GLE1: variants seen among roughly 807,000 people sequenced by gnomAD.
The protein encoded by GLE1 is GLE1 RNA export mediator.
GLE1 carries 78 observed loss-of-function variants against 97.3 expected under a neutral mutation model. The observed-to-expected ratio is 0.80, with a 90% CI of 0.67 to 0.97. The LOEUF (loss-of-function observed/expected upper bound fraction) is 0.97, where lower values mean the gene tolerates loss of function less well. Among genes scored for constraint, GLE1 ranks in the 50% least tolerant of loss-of-function variants. The pLI is 0.00. For missense variants in GLE1, 753 were observed against 857.5 expected (o/e 0.88, Z 1.52); for synonymous variants, 302 against 313.4 (o/e 0.96, Z 0.39).
intron 11 of GLE1, among the ~76,000 whole-genome samples, chr9:128,535,752 C>T (rs925194612): frequency 2.6e-5 from 4 of 151,712 alleles, no homozygotes; most frequent in Admixed American, 6.6e-5. Context: ...ACCCGAGAGG[C>T]GGAGATTGCC....
intron 9 of GLE1, among the ~76,000 whole-genome samples, chr9:128,529,933 C>T (rs1187372278): frequency 3.3e-5 from 5 of 152,068 alleles, no homozygotes; most frequent in Non-Finnish European, 5.9e-5. Flanking sequence ...CCTGCCACCA[C>T]GCCCGGCTAA....
chr9:128,527,046 T>C, intron 7 of GLE1, 133 bp from the exon 8 acceptor site: 1 of 691,058 alleles, frequency 1.4e-6, no homozygotes, highest in Non-Finnish European at 2.7e-6. Context: ...GAGATAATAA[T>C]AGTATCTATT....
intron 9 of GLE1, among the ~76,000 whole-genome samples, chr9:128,529,278 A>G (rs1323380891): frequency 6.6e-6 from 1 of 152,142 alleles, no homozygotes; most frequent in Non-Finnish European, 1.5e-5. Context: ...GAAAATGGAG[A>G]CATCCAGTGT....
rs558008734 is a variant in GLE1, at chr9:128,534,065, A to G, written c.1646+114A>G. The G allele has an allele frequency of 4.6e-4, 365 of 799,694 alleles. 1 individual carries two copies. Among genetic ancestry groups the G allele is most frequent in the Non-Finnish European group, 3.4e-4 (156 of 452,500 alleles). The allele number at this position is 799,694 out of a possible 1,614,324, so 49.5% of individuals were successfully genotyped here. ...TCCTATTACGTACCTTGAATGTTCT[A>G]TCAGAAATATAATGTCTTTCGGCCG... On this transcript the variant is annotated intron_variant, in intron 11 of 15. Coordinates refer to ENST00000309971, the MANE Select transcript of GLE1 (RefSeq NM_001003722.2).
chr9:128,520,438 G>A (rs1388543071), intron 3 of GLE1, among the ~76,000 whole-genome samples: 1 of 145,810 alleles, frequency 6.9e-6, no homozygotes, highest in East Asian at 2.0e-4. Context: ...GTATATATAT[G>A]TATATATATA....
intron 14 of GLE1, chr9:128,539,934 A>G: frequency 1.7e-6 from 2 of 1,183,802 alleles, no homozygotes; most frequent in Non-Finnish European, 2.3e-6. Context: ...GGGGCTGAGC[A>G]CAGTGGCTTA....
At chr9:128,539,546 G>A in intron 13 of GLE1, 70 bp from the exon 14 acceptor site, 3 of 1,284,240 alleles carry the variant, frequency 2.3e-6, no homozygotes, top group Middle Eastern at 1.8e-4. Flanking sequence ...GGCTGATTGT[G>A]CTTTATGAAT....
intron 2 of GLE1, among the ~76,000 whole-genome samples, chr9:128,509,982 T>G (rs571255802): frequency 1.3e-5 from 2 of 152,208 alleles, no homozygotes; most frequent in East Asian, 3.9e-4. Context: ...ATTTTGGAAG[T>G]TTTTTAAAAT....
At chr9:128,521,694 C>T (rs188046798) in intron 3 of GLE1, among the ~76,000 whole-genome samples, 70 of 152,216 alleles carry the variant, frequency 4.6e-4, no homozygotes, top group African/African-American at 1.4e-3. Flanking sequence ...TAATACGTGT[C>T]GTCATTCCCC....
intron 9 of GLE1, 46 bp from the exon 10 acceptor site, chr9:128,533,464 AGAG>A: frequency 7.4e-7 from 1 of 1,358,240 alleles, no homozygotes; most frequent in Non-Finnish European, 1.0e-6. Flanking sequence ...GAAAAGAAAA[AGAG>A]ATTGATCTGT....
At position 128,515,490 on chromosome 9, in the gene GLE1, CTTATTTT is replaced by C. The variant is rs372645952; in HGVS notation, c.322-35_322-29del. 285,948 of 1,162,682 alleles carry C rather than the reference CTTATTTT, an allele frequency of 0.25. 37,221 individuals carry two copies. The highest frequency in any genetic ancestry group is 0.49 in the East Asian group (20,112 of 41,244). The allele number at this position is 1,162,682 out of a possible 1,614,324, so 72.0% of individuals were successfully genotyped here. ...AACACCAACTTTACCATATTAAAAA[CTTATTTT>C]TTAATTATTTTTCCATTTTCTGCTC... is the stretch of plus-strand genomic sequence containing the variant. On this transcript the variant is annotated intron_variant, in intron 2 of 15. Transcript: ENST00000309971.
At chr9:128,537,832 A>AT (rs1467909405) in intron 12 of GLE1, among the ~76,000 whole-genome samples, 154 bp from the exon 13 acceptor site, 1 of 152,128 alleles carries the variant, frequency 6.6e-6, no homozygotes, top group African/African-American at 2.4e-5. Context: ...GAAAAACAGA[A>AT]TTTGTTTAGT....
At chr9:128,541,039 A>G (rs932830105) in intron 15 of GLE1, 63 bp from the exon 16 acceptor site, 1 of 927,510 alleles carries the variant, frequency 1.1e-6, no homozygotes, top group Non-Finnish European at 1.8e-6. Flanking sequence ...TCTTTTAACC[A>G]TTAAGTGTTG....
Position 128,533,510 on chromosome 9 carries a change from C to T in GLE1, c.1313-3C>T. On this transcript the variant is annotated splice_region_variant and splice_polypyrimidine_tract_variant and intron_variant, in intron 9 of 15. Transcript: ENST00000309971. ...TCTTTTAATTTCTCTCTATCATGCT[C>T]AGGCTCAAAACTGAAGGAGATCTTT... The T allele has an allele frequency of 6.2e-7, 1 of 1,604,146 alleles. No individual in the cohort carries two copies. The highest frequency in any genetic ancestry group is 8.5e-7 in the Non-Finnish European group (1 of 1,172,750).
At chr9:128,522,860 C>G in intron 4 of GLE1, 44 bp downstream of exon 4, 1 of 1,605,346 alleles carries the variant, frequency 6.2e-7, no homozygotes. Context: ...ATGTGTTCAA[C>G]TGGAACTCTT....
At chr9:128,508,404 C>G (rs1266417763) in intron 1 of GLE1, among the ~76,000 whole-genome samples, 2 of 151,988 alleles carry the variant, frequency 1.3e-5, no homozygotes, top group Non-Finnish European at 1.5e-5. Context: ...GACCCTGTCT[C>G]AAAAATAATT....
At chr9:128,522,899 T>G (rs939810392) in intron 4 of GLE1, 83 bp downstream of exon 4, 5 of 1,484,104 alleles carry the variant, frequency 3.4e-6, no homozygotes, top group East Asian at 2.3e-5. Context: ...AGGGAAAGAG[T>G]TGAACAACTT....
In GLE1 at chr9:128,523,354, A is replaced by C; in HGVS notation, c.642+14A>C. The C allele has an allele frequency of 6.2e-7, 1 of 1,607,960 alleles. No homozygotes were observed. The highest frequency in any genetic ancestry group is 8.5e-7 in the Non-Finnish European group (1 of 1,174,434). ...CACAGAGCAAAGGTCAGAGCCTGGC[A>C]GAATTGGTGTGGGTGTTTTGGTGTC... On this transcript the variant is annotated intron_variant, in intron 5 of 15. Transcript: ENST00000309971.
chr9:128,527,221 A>G lies in GLE1; in HGVS notation c.1172A>G (p.Gln391Arg). Residue 391 changes from glutamine (Q) to arginine (R), a missense_variant, in exon 8 of 16, where the codon CAG (glutamine) becomes CGG (arginine). Physicochemically the swap from Gln to Arg is conservative, Grantham distance 43. Transcript: ENST00000309971. The stretch of plus-strand genomic sequence containing the variant: ...CAAGACATTACAATGCAGTGGTACC[A>G]GCAGCTGCAGGATGCTTCCATGCAG... Reference protein sequence around the residue: ...KVQDITMQWYQQLQDASMQCV... With the variant: ...KVQDITMQWYRQLQDASMQCV... The G allele has an allele frequency of 6.2e-7, 1 of 1,611,210 alleles. No individual in the cohort carries two copies. The highest frequency in any genetic ancestry group is 1.1e-5 in the South Asian group (1 of 91,044).
Sources: allele counts gnomAD v4.1 joint callset (sites outside exome capture counted in the v4.1 genomes callset), GRCh38; gene constraint gnomAD v4.1.1; transcripts MANE v1.5; gene names NCBI Gene and HGNC (gene_info 2026-07-23, HGNC 2026-07-21).